The following ATPSCKMT variants were observed in gnomAD, a reference collection of about 807,000 sequenced individuals.
ATPSCKMT encodes ATP synthase c subunit lysine N-methyltransferase, also known as ATP synthase subunit C lysine N-methyltransferase.
A neutral mutation model predicts 24.3 loss-of-function variants in ATPSCKMT; 24 were observed. The observed-to-expected ratio is 0.99, with a 90% CI of 0.71 to 1.39. ATPSCKMT has a LOEUF of 1.39. Among genes scored for constraint, ATPSCKMT ranks in the 40% most tolerant of loss-of-function variants. ATPSCKMT has a pLI of 0.00. For missense variants in ATPSCKMT, 311 were observed against 298.4 expected, an observed-to-expected ratio of 1.04 and a Z score of -0.31; for synonymous variants, 95 against 110.5, an observed-to-expected ratio of 0.86 and a Z score of 0.88.
intron 4 of ATPSCKMT, 105 bp downstream of exon 4, chr5:10,235,106 C>A: frequency 1.1e-6 from 1 of 945,272 alleles, no homozygotes; most frequent in Non-Finnish European, 1.6e-6. Flanking sequence ...TCCCTAAAAT[C>A]TCTGGGAGGC....
In ATPSCKMT at chr5:10,225,746, G is replaced by A. The variant is rs1317871838; in HGVS notation, c.*1695C>T. 4.6e-5 allele frequency among the ~76,000 whole-genome samples: 7 copies of A among 152,220 alleles called. No individual in the cohort carries two copies. Among genetic ancestry groups the A allele is most frequent in the Non-Finnish European group, 1.0e-4 (7 of 68,018 alleles). On this transcript the variant is annotated 3_prime_UTR_variant, in exon 5 of 5. Transcript: ENST00000511437. ...GGGAATTCAAGATGAGATTTGGGTA[G>A]GGACACAGCCAAACCATATCAATGC...
intron 1 of ATPSCKMT, among the ~76,000 whole-genome samples, chr5:10,244,230 T>C (rs1450624891): frequency 6.6e-6 from 1 of 152,074 alleles, no homozygotes; most frequent in East Asian, 1.9e-4. Flanking sequence ...ACATCAAAAA[T>C]CCCTGATCAT....
At chr5:10,242,676 A>T (rs560661112) in intron 1 of ATPSCKMT, among the ~76,000 whole-genome samples, 3 of 152,312 alleles carry the variant, frequency 2.0e-5, no homozygotes, top group Admixed American at 2.0e-4. Context: ...CTTTGCCCAG[A>T]TCCATCAGTG....
At chr5:10,240,182 C>G (rs1374597154) in intron 1 of ATPSCKMT, among the ~76,000 whole-genome samples, 1 of 150,812 alleles carries the variant, frequency 6.6e-6, no homozygotes, top group South Asian at 2.1e-4. Context: ...GACAGTGAGC[C>G]GAGATCGCAC....
intron 1 of ATPSCKMT, among the ~76,000 whole-genome samples, chr5:10,243,900 G>A (rs987211780): frequency 3.3e-5 from 5 of 152,178 alleles, no homozygotes; most frequent in Admixed American, 2.6e-4. Context: ...TTCACAACCT[G>A]GCTAACTGTT....
intron 4 of ATPSCKMT, among the ~76,000 whole-genome samples, chr5:10,228,719 G>A (rs957184941): frequency 6.7e-6 from 1 of 149,968 alleles, no homozygotes; most frequent in Admixed American, 6.6e-5. Flanking sequence ...AAGATTTATC[G>A]CCCAGGCTGG....
intron 4 of ATPSCKMT, among the ~76,000 whole-genome samples, chr5:10,229,106 T>G (rs750118248): frequency 9.2e-5 from 14 of 152,246 alleles, no homozygotes; most frequent in Non-Finnish European, 1.9e-4. Context: ...CACAGTTATA[T>G]TCAGGAAATT....
intron 1 of ATPSCKMT, chr5:10,249,626 G>T: frequency 8.3e-6 from 5 of 603,364 alleles, no homozygotes; most frequent in Admixed American, 7.2e-5. Context: ...GCACTAAGTA[G>T]CCTAGAACAG....
chr5:10,229,686 C>T (rs1454547357), intron 4 of ATPSCKMT, among the ~76,000 whole-genome samples: 1 of 152,192 alleles, frequency 6.6e-6, no homozygotes, highest in Non-Finnish European at 1.5e-5. Context: ...GGCACTCTAC[C>T]GTAAGGAACA....
intron 4 of ATPSCKMT, among the ~76,000 whole-genome samples, chr5:10,233,193 C>A (rs909845529): frequency 3.3e-5 from 5 of 152,148 alleles, no homozygotes; most frequent in African/African-American, 1.2e-4. Flanking sequence ...CGTCACATGG[C>A]ATGCTGGCTT....
chr5:10,229,023 C>G (rs1744008501), intron 4 of ATPSCKMT, among the ~76,000 whole-genome samples: 2 of 152,182 alleles, frequency 1.3e-5, no homozygotes, highest in Admixed American at 1.3e-4. Context: ...AGGTTGCATA[C>G]AATATGCTCC....
chr5:10,237,162 C>A, intron 2 of ATPSCKMT: 1 of 592,794 alleles, frequency 1.7e-6, no homozygotes, highest in Non-Finnish European at 2.7e-6. Flanking sequence ...CTGTGGAATC[C>A]CACTGGCCTC....
intron 4 of ATPSCKMT, 125 bp from the exon 5 acceptor site, chr5:10,227,772 T>G: frequency 1.3e-6 from 1 of 776,372 alleles, no homozygotes; most frequent in Non-Finnish European, 2.1e-6. Context: ...AAAAGAGCAC[T>G]CTGGGACACA....
intron 2 of ATPSCKMT, among the ~76,000 whole-genome samples, chr5:10,237,436 CCATGT>C (rs1744423984): frequency 6.6e-6 from 1 of 152,154 alleles, no homozygotes; most frequent in Non-Finnish European, 1.5e-5. Context: ...TCTTGAATTC[CCATGT>C]GTTGTGGGAG....
chr5:10,237,175 G>T (rs1024687637), intron 2 of ATPSCKMT: 11 of 514,172 alleles, frequency 2.1e-5, no homozygotes, highest in African/African-American at 1.6e-4. Flanking sequence ...CTGGCCTCCG[G>T]AGAGTGGGAG....
chr5:10,225,655 A>C lies in ATPSCKMT; in HGVS notation c.*1786T>G, dbSNP rs1286316009. On this transcript the variant is annotated 3_prime_UTR_variant, in exon 5 of 5. Coordinates refer to ENST00000511437, the MANE Select transcript of ATPSCKMT (RefSeq NM_199133.4). Reference sequence around the variant, plus strand: ...CATTAAACTTACTCACTATCATGAGAACAGCACAGGAAAGACCTGCCCCCA... The same window carrying C: ...CATTAAACTTACTCACTATCATGAGCACAGCACAGGAAAGACCTGCCCCCA... Among the ~76,000 whole-genome samples, 1 of 152,198 alleles carries C rather than the reference A, an allele frequency of 6.6e-6. No homozygotes were observed. The highest frequency in any genetic ancestry group is 1.5e-5 in the Non-Finnish European group (1 of 68,032).
At position 10,230,200 on chromosome 5, in the gene ATPSCKMT, C is replaced by T. The variant is rs533138860; in HGVS notation, c.496-2553G>A. Among the ~76,000 whole-genome samples the T allele has an allele frequency of 3.3e-5, 5 of 151,602 alleles. No individual in the cohort carries two copies. The South Asian group carries it at 1.0e-3, about 32-fold the overall frequency. On this transcript the variant is annotated intron_variant, in intron 4 of 4. Transcript: ENST00000511437. ...TTCTAATTCTTCATTAGAATCAATG[C>T]GAAGATAACACAGAATAAATTCTAT...
chr5:10,229,299 T>A (rs1561024926), intron 4 of ATPSCKMT, among the ~76,000 whole-genome samples: 4 of 152,226 alleles, frequency 2.6e-5, no homozygotes, highest in African/African-American at 7.2e-5. Context: ...TTGGTTTTCG[T>A]GACAATAACA....
At chr5:10,241,180 C>T (rs1391228631) in intron 1 of ATPSCKMT, among the ~76,000 whole-genome samples, 1 of 152,128 alleles carries the variant, frequency 6.6e-6, no homozygotes, top group African/African-American at 2.4e-5. Context: ...CCAATCTCTG[C>T]TTCTGTCCTG....
Sources: gnomAD v4.1 joint callset for allele counts (sites outside exome capture counted in the v4.1 genomes callset) on GRCh38, gnomAD v4.1.1 for gene constraint, MANE v1.5 for transcripts, NCBI Gene and HGNC (gene_info 2026-07-23, HGNC 2026-07-21) for gene names.